The following ATXN10 variants were observed in gnomAD, a reference collection of about 807,000 sequenced individuals.
The protein encoded by ATXN10 is ataxin-10.
ATXN10 carries 28 observed loss-of-function variants against 52.9 expected under a neutral mutation model. The observed-to-expected ratio is 0.53, with a 90% CI of 0.39 to 0.73. ATXN10 has a LOEUF of 0.73. Ranked by LOEUF, ATXN10 falls within the 30% of genes least tolerant of loss-of-function variation. The probability of loss-of-function intolerance (pLI) is 0.00; values close to 1 mark genes in which losing one functional copy is unlikely to be tolerated. For synonymous variants in ATXN10, 226 were observed against 221.5 expected (o/e 1.02, Z -0.18); for missense variants, 565 against 577.0 (o/e 0.98, Z 0.21).
In ATXN10 at chr22:45,709,445, C is replaced by T. The variant is rs147140885; in HGVS notation, c.647+6598C>T. Among the ~76,000 whole-genome samples the T allele has an allele frequency of 1.1e-3, 170 of 152,266 alleles. 2 individuals are homozygous for T. The highest frequency in any genetic ancestry group is 2.9e-3 in the African/African-American group (120 of 41,556). On this transcript the variant is annotated intron_variant, in intron 5 of 11. Coordinates refer to ENST00000252934, the MANE Select transcript of ATXN10 (RefSeq NM_013236.4). ...ATTCCAGGGTCATTGGGTGAAGGCA[C>T]GGTGAATCCAGGGCTGAAAGATGTC...
At chr22:45,813,714 C>T (rs890682517) in intron 10 of ATXN10, among the ~76,000 whole-genome samples, 5 of 152,116 alleles carry the variant, frequency 3.3e-5, no homozygotes, top group African/African-American at 1.2e-4. Flanking sequence ...GGACCTACCC[C>T]AACAGGGTTA....
Position 45,684,137 on chromosome 22 carries a change from GT to G in ATXN10, c.117-5561del, listed in dbSNP as rs5845725. On this transcript the variant is annotated intron_variant, in intron 1 of 11. Coordinates refer to ENST00000252934, the MANE Select transcript of ATXN10 (RefSeq NM_013236.4). This position sits in a 1 kb window ranked among gnomAD's most constrained non-coding sequence, Gnocchi z 4.1. ...CCAGCTAATTAAAACAAGTTTTTTTGTTTTTTTTTTTTTTGTAGAGATAGGG... is the reference window on the plus strand; with the variant it reads ...CCAGCTAATTAAAACAAGTTTTTTTGTTTTTTTTTTTTTGTAGAGATAGGG... 0.81 allele frequency among the ~76,000 whole-genome samples: 111,720 copies of G among 137,298 alleles called. 45,120 individuals are homozygous for G. The highest frequency in any genetic ancestry group is 0.86 in the African/African-American group (31,626 of 36,948). The allele number at this position is 137,298 out of a possible 152,430, so 90.1% of individuals were successfully genotyped here. A position where few individuals can be genotyped will look rare whatever the true frequency, so the allele number is the denominator to read the frequency against.
intron 9 of ATXN10, among the ~76,000 whole-genome samples, chr22:45,745,447 C>T (rs1925692109): frequency 1.3e-5 from 2 of 152,182 alleles, no homozygotes; most frequent in Admixed American, 1.3e-4. Flanking sequence ...CTCCTTCCTC[C>T]TCCCTGATTT....
intron 10 of ATXN10, among the ~76,000 whole-genome samples, chr22:45,813,226 T>TTTG (rs767574696): frequency 1.3e-5 from 2 of 152,226 alleles, no homozygotes; most frequent in African/African-American, 2.4e-5. Flanking sequence ...TGTGGGATTT[T>TTTG]TTGTTGTTGT....
intron 9 of ATXN10, among the ~76,000 whole-genome samples, chr22:45,798,133 A>T (rs1927809487): frequency 1.3e-5 from 2 of 152,248 alleles, no homozygotes; most frequent in Non-Finnish European, 2.9e-5. Flanking sequence ...TTTCTCTTTC[A>T]TAAAATAGAG....
rs1274697813 is a variant in ATXN10 at position 45,795,354 on chromosome 22, G to GATTCGATTCT, written c.1174-11601_1174-11600insGATTCTATTC. 4.7e-5 allele frequency among the ~76,000 whole-genome samples: 6 copies of GATTCGATTCT among 126,538 alleles called. No individual in the cohort carries two copies. The East Asian group carries it at 7.4e-4, about 16-fold the overall frequency. 83.0% of individuals were successfully genotyped at this position (126,538 alleles called of 152,430 possible). On this transcript the variant is annotated intron_variant, in intron 9 of 11. Transcript: ENST00000252934. The surrounding 1 kb of genome is among the most constrained non-coding windows in gnomAD (Gnocchi z 4.6). ...ATCCAACTAAAAGACTACTAGAATGGATTCTATTCTATTCTATTCTATTCT... is the reference window on the plus strand; with the variant it reads ...ATCCAACTAAAAGACTACTAGAATGGATTCGATTCTATTCTATTCTATTCTATTCTATTCT...
At chr22:45,800,202 G>A (rs753626469) in intron 9 of ATXN10, among the ~76,000 whole-genome samples, 1 of 152,108 alleles carries the variant, frequency 6.6e-6, no homozygotes, top group African/African-American at 2.4e-5. Context: ...CATGGTATAC[G>A]AGAAAATATT....
At chr22:45,811,832 T>C in intron 10 of ATXN10, 1 of 467,686 alleles carries the variant, frequency 2.1e-6, no homozygotes, top group Non-Finnish European at 4.4e-6. Context: ...GTCATGATCT[T>C]TGAAAACCAA....
chr22:45,699,735 G>A (rs1462435232), intron 3 of ATXN10, among the ~76,000 whole-genome samples: 2 of 150,362 alleles, frequency 1.3e-5, no homozygotes, highest in Non-Finnish European at 3.0e-5. Flanking sequence ...CAGGTGATCC[G>A]CACCCCCCTC....
intron 9 of ATXN10, among the ~76,000 whole-genome samples, chr22:45,794,559 G>A (rs551284149): frequency 2.0e-5 from 3 of 151,740 alleles, no homozygotes; most frequent in Non-Finnish European, 4.4e-5. Flanking sequence ...CTTCTCTGTA[G>A]TGTTGTTGTT....
In ATXN10 at chr22:45,819,569, T is replaced by TAAG. The variant is rs1928581897; in HGVS notation, c.1237+12547_1237+12548insAAG. On this transcript the variant is annotated intron_variant, in intron 10 of 11. Coordinates refer to ENST00000252934, the MANE Select transcript of ATXN10 (RefSeq NM_013236.4). The surrounding 1 kb of genome is among the most constrained non-coding windows in gnomAD (Gnocchi z 4.5). Reference sequence around the variant, plus strand: ...GTTGACTCAGAACCACTAGGGCACTTCTGTGATCACAGCAGTCCCATGCAG... The same window carrying TAAG: ...GTTGACTCAGAACCACTAGGGCACTTAAGCTGTGATCACAGCAGTCCCATGCAG... Among the ~76,000 whole-genome samples the TAAG allele has an allele frequency of 6.6e-6, 1 of 152,224 alleles. No homozygotes were observed. Among genetic ancestry groups the TAAG allele is most frequent in the Non-Finnish European group, 1.5e-5 (1 of 68,042 alleles).
At position 45,690,519 on chromosome 22, in the gene ATXN10, T is replaced by G. The variant is rs1923329848; in HGVS notation, c.308+616T>G. Among the ~76,000 whole-genome samples, 2 of 152,226 alleles carry G rather than the reference T, an allele frequency of 1.3e-5. No individual in the cohort carries two copies. The highest frequency in any genetic ancestry group is 1.3e-4 in the Admixed American group (2 of 15,284). ...TTTGAAGCTGATTTTGAGTCTTTGT[T>G]CCTAGATTTTACCTGCCTAAGTTTA... On this transcript the variant is annotated intron_variant, in intron 2 of 11. Transcript: ENST00000252934. This position sits in a 1 kb window ranked among gnomAD's most constrained non-coding sequence, Gnocchi z 4.5.
chr22:45,695,830 T>G (rs1418665154), intron 3 of ATXN10, among the ~76,000 whole-genome samples: 1 of 152,164 alleles, frequency 6.6e-6, no homozygotes, highest in African/African-American at 2.4e-5. Flanking sequence ...TATGTGTGCT[T>G]CTCTTGGTAG....
At chr22:45,746,351 G>A (rs116536091) in intron 9 of ATXN10, among the ~76,000 whole-genome samples, 2,037 of 150,764 alleles carry the variant, frequency 0.014, 40 homozygotes, top group African/African-American at 0.047. Flanking sequence ...TTTTCAAGCA[G>A]CGTATTTGTC....
At chr22:45,747,139 C>T (rs1925761784) in intron 9 of ATXN10, among the ~76,000 whole-genome samples, 4 of 152,238 alleles carry the variant, frequency 2.6e-5, no homozygotes, top group South Asian at 2.1e-4. Context: ...TTCCCAGATA[C>T]ATGTTTTTCC....
chr22:45,843,321 T>C lies in ATXN10; in HGVS notation c.1425+143T>C. ...TATAGTGGTTTACCGAGGAAAGCCC[T>C]AAAGATAGCTGCAAACGGTTTTTTT... On this transcript the variant is annotated intron_variant, in intron 11 of 11. Transcript: ENST00000252934. The surrounding 1 kb of genome is among the most constrained non-coding windows in gnomAD (Gnocchi z 4.5). 1 of 972,478 alleles carries C rather than the reference T, an allele frequency of 1.0e-6. No individual in the cohort carries two copies. Among genetic ancestry groups the C allele is most frequent in the East Asian group, 2.6e-5 (1 of 38,426 alleles). The allele number at this position is 972,478 out of a possible 1,614,324, so 60.2% of individuals were successfully genotyped here. A position where few individuals can be genotyped will look rare whatever the true frequency, so the allele number is the denominator to read the frequency against.
In ATXN10 at chr22:45,819,868, A is replaced by G. The variant is rs930525536; in HGVS notation, c.1237+12846A>G. Among the ~76,000 whole-genome samples, 5 of 152,344 alleles carry G rather than the reference A, an allele frequency of 3.3e-5. No homozygotes were observed. The East Asian group carries it at 5.8e-4, about 18-fold the overall frequency. ...TAAATACCATTGCCACACAGATTAT[A>G]TATTTTGTGAGACACTTGAGAGACT... On this transcript the variant is annotated intron_variant, in intron 10 of 11. Transcript: ENST00000252934. The surrounding 1 kb of genome is among the most constrained non-coding windows in gnomAD (Gnocchi z 4.5).
chr22:45,674,166 A>C (rs1288297327), intron 1 of ATXN10: 1 of 152,308 alleles, frequency 6.6e-6, no homozygotes, highest in Non-Finnish European at 1.5e-5. Flanking sequence ...CATGTGAAAG[A>C]GAAAAGTGCC....
chr22:45,804,300 G>A (rs1928027628), intron 9 of ATXN10, among the ~76,000 whole-genome samples: 1 of 152,184 alleles, frequency 6.6e-6, no homozygotes, highest in South Asian at 2.1e-4. Context: ...TAGCATTTCA[G>A]AATTAAACGA....
Sources: allele counts gnomAD v4.1 joint callset (sites outside exome capture counted in the v4.1 genomes callset), GRCh38; gene constraint gnomAD v4.1.1; non-coding constraint Gnocchi (gnomAD v3.1); transcripts MANE v1.5; gene names NCBI Gene and HGNC (gene_info 2026-07-23, HGNC 2026-07-21).